ADTRP: variants seen among roughly 807,000 people sequenced by gnomAD.
The protein encoded by ADTRP is androgen-dependent TFPI-regulating protein.
In ADTRP, 20 loss-of-function variants were observed where a neutral mutation model predicts 27.0. That is an observed-to-expected ratio of 0.74 (90% confidence interval 0.52 to 1.08). The LOEUF (loss-of-function observed/expected upper bound fraction) is 1.08. Among genes scored for constraint, ADTRP ranks in the 50% least tolerant of loss-of-function variants. The pLI, the probability that ADTRP is intolerant of heterozygous loss-of-function variation, is 0.00. For synonymous variants in ADTRP, 101 were observed against 105.2 expected, an observed-to-expected ratio of 0.96 and a Z score of 0.25; for missense variants, 251 against 275.0, an observed-to-expected ratio of 0.91 and a Z score of 0.62.
At chr6:11,714,646 A>C (rs754242885) in intron 5 of ADTRP, 134 bp from the exon 6 acceptor site, 8 of 972,278 alleles carry the variant, frequency 8.2e-6, no homozygotes, top group Non-Finnish European at 1.2e-5. Context: ...GACAAGATGC[A>C]GTTTAAGGAG....
At chr6:11,775,370 T>C (rs976852495) in intron 1 of ADTRP, among the ~76,000 whole-genome samples, 9 of 152,028 alleles carry the variant, frequency 5.9e-5, no homozygotes, top group African/African-American at 1.7e-4. Flanking sequence ...GGCTACCCTA[T>C]GGTTAGGTAC....
chr6:11,750,891 G>A lies in ADTRP; in HGVS notation c.391-15208C>T, dbSNP rs188873138. Among the ~76,000 whole-genome samples the A allele has an allele frequency of 4.1e-4, 63 of 152,106 alleles. No homozygotes were observed. In the East Asian group the frequency reaches 9.3e-3, roughly 22 times the overall value. ...TTTGAGATAAGAACCTTGCTGAATC[G>A]CCCAGGCCGGATTGCAACGGCACAA... On this transcript the variant is annotated intron_variant, in intron 3 of 5. Coordinates refer to ENST00000414691, the MANE Select transcript of ADTRP (RefSeq NM_032744.4).
At chr6:11,730,256 A>G (rs1762343358) in intron 4 of ADTRP, among the ~76,000 whole-genome samples, 1 of 152,164 alleles carries the variant, frequency 6.6e-6, no homozygotes, top group Admixed American at 6.5e-5. Flanking sequence ...ATTTACAGGT[A>G]GGGTAAGGAT....
chr6:11,729,379 T>C (rs1385384109), intron 4 of ADTRP, among the ~76,000 whole-genome samples: 1 of 152,136 alleles, frequency 6.6e-6, no homozygotes, highest in Non-Finnish European at 1.5e-5. Flanking sequence ...AACCCCTCCC[T>C]GAGACACCCC....
chr6:11,734,352 T>G (rs961695148), intron 4 of ADTRP, among the ~76,000 whole-genome samples: 1 of 152,248 alleles, frequency 6.6e-6, no homozygotes, highest in African/African-American at 2.4e-5. Context: ...AGAATCCTTT[T>G]CAACAGAGTG....
chr6:11,755,738 G>T (rs973267187), intron 3 of ADTRP, among the ~76,000 whole-genome samples: 2 of 152,126 alleles, frequency 1.3e-5, no homozygotes, highest in African/African-American at 4.8e-5. Context: ...TTTAAAAAAG[G>T]GTGGCTAGAA....
At chr6:11,772,830 T>A (rs2113352211) in intron 1 of ADTRP, among the ~76,000 whole-genome samples, 1 of 152,248 alleles carries the variant, frequency 6.6e-6, no homozygotes, top group South Asian at 2.1e-4. Flanking sequence ...ACATTTAACT[T>A]AAGAAACTGA....
At chr6:11,763,392 A>G (rs1318302506) in intron 3 of ADTRP, among the ~76,000 whole-genome samples, 2 of 152,244 alleles carry the variant, frequency 1.3e-5, no homozygotes, top group East Asian at 3.8e-4. Flanking sequence ...GCTAAGGCTA[A>G]AATAGCAAAC....
intron 1 of ADTRP, among the ~76,000 whole-genome samples, chr6:11,777,461 T>C (rs1403268773): frequency 6.7e-6 from 1 of 148,280 alleles, no homozygotes; most frequent in African/African-American, 2.5e-5. Context: ...GGGGTGTGTG[T>C]GTATGCGCGT....
intron 3 of ADTRP, among the ~76,000 whole-genome samples, chr6:11,749,357 C>T (rs1023090482): frequency 6.6e-6 from 1 of 152,036 alleles, no homozygotes; most frequent in Non-Finnish European, 1.5e-5. Context: ...CAGCTCTGTA[C>T]ATGTTGATTC....
intron 4 of ADTRP, among the ~76,000 whole-genome samples, chr6:11,731,123 C>T (rs946516230): frequency 1.3e-5 from 2 of 152,206 alleles, no homozygotes; most frequent in Non-Finnish European, 2.9e-5. Context: ...TGTGTGAGCA[C>T]TCAGCAGATT....
intron 4 of ADTRP, among the ~76,000 whole-genome samples, chr6:11,726,820 T>C (rs1199666078): frequency 1.3e-5 from 2 of 152,156 alleles, no homozygotes; most frequent in Non-Finnish European, 2.9e-5. Context: ...AAGTTGTAAA[T>C]ATTGTGTACC....
chr6:11,726,047 TA>T (rs1244197601), intron 4 of ADTRP, among the ~76,000 whole-genome samples: 1 of 152,206 alleles, frequency 6.6e-6, no homozygotes, highest in Non-Finnish European at 1.5e-5. Flanking sequence ...ATGTGGCTTA[TA>T]CATAGGCATT....
chr6:11,716,824 C>T (rs1408070841), intron 5 of ADTRP, among the ~76,000 whole-genome samples: 1 of 150,072 alleles, frequency 6.7e-6, no homozygotes, highest in Non-Finnish European at 1.5e-5. Context: ...AAGTGTTTCT[C>T]CCACCTCTCA....
At chr6:11,729,989 A>T (rs1354095790) in intron 4 of ADTRP, among the ~76,000 whole-genome samples, 1 of 152,180 alleles carries the variant, frequency 6.6e-6, no homozygotes, top group African/African-American at 2.4e-5. Flanking sequence ...TGTCTCAGGC[A>T]TGTCTCTCAT....
chr6:11,769,000 G>C (rs1056926702), intron 1 of ADTRP, among the ~76,000 whole-genome samples: 1 of 151,994 alleles, frequency 6.6e-6, no homozygotes, highest in Non-Finnish European at 1.5e-5. Flanking sequence ...AAATCCAAGG[G>C]GATAGAGCAA....
At chr6:11,742,926 G>A (rs918490732) in intron 3 of ADTRP, among the ~76,000 whole-genome samples, 1 of 152,182 alleles carries the variant, frequency 6.6e-6, no homozygotes, top group African/African-American at 2.4e-5. Flanking sequence ...AAAGCCTCAA[G>A]TGCAGGCATT....
chr6:11,714,424 G>C lies in ADTRP; in HGVS notation c.*54C>G. 1 of 1,480,024 alleles carries C rather than the reference G, an allele frequency of 6.8e-7. No homozygotes were observed. The highest frequency in any genetic ancestry group is 9.2e-7 in the Non-Finnish European group (1 of 1,084,534). 91.7% of individuals were successfully genotyped at this position (1,480,024 alleles called of 1,614,324 possible). A position where few individuals can be genotyped will look rare whatever the true frequency, so the allele number is the denominator to read the frequency against. Reference sequence around the variant, plus strand: ...TCCACCAGAAAAAAAAAAAAAAGATGAGAAAAATCTCTTGTGTTTTCTTCT... The same window carrying C: ...TCCACCAGAAAAAAAAAAAAAAGATCAGAAAAATCTCTTGTGTTTTCTTCT... On this transcript the variant is annotated 3_prime_UTR_variant, in exon 6 of 6. Coordinates refer to ENST00000414691, the MANE Select transcript of ADTRP (RefSeq NM_032744.4).
intron 1 of ADTRP, among the ~76,000 whole-genome samples, chr6:11,778,338 C>A (rs547064502): frequency 8.5e-5 from 13 of 152,230 alleles, no homozygotes; most frequent in Middle Eastern, 3.4e-3. Flanking sequence ...TCTTTGAGCT[C>A]ATCTGAAAAG....
Sources: gnomAD v4.1 joint callset for allele counts (sites outside exome capture counted in the v4.1 genomes callset) on GRCh38, gnomAD v4.1.1 for gene constraint, MANE v1.5 for transcripts, NCBI Gene and HGNC (gene_info 2026-07-23, HGNC 2026-07-21) for gene names.